PSMF1: variants seen among roughly 807,000 people sequenced by gnomAD.
PSMF1 encodes proteasome inhibitor subunit 1.
Under a neutral mutation model 29.3 loss-of-function variants are expected in PSMF1, and 30 were observed. The observed-to-expected ratio is 1.02, with a 90% CI of 0.77 to 1.39. The LOEUF (loss-of-function observed/expected upper bound fraction) is 1.39. Among genes scored for constraint, PSMF1 ranks in the 40% most tolerant of loss-of-function variants. The pLI is 0.00. For missense variants in PSMF1, 344 were observed against 357.5 expected (o/e 0.96, Z 0.31); for synonymous variants, 134 against 139.7 (o/e 0.96, Z 0.29).
intron 3 of PSMF1, among the ~76,000 whole-genome samples, chr20:1,133,777 T>A (rs903297333): frequency 1.3e-5 from 2 of 151,478 alleles, no homozygotes; most frequent in Non-Finnish European, 2.9e-5. Flanking sequence ...TTTTATTTTA[T>A]TTTTTTAGAA....
chr20:1,117,328 CTT>C (rs1258526956), upstream of PSMF1, among the ~76,000 whole-genome samples: 1 of 150,400 alleles, frequency 6.6e-6, no homozygotes, highest in Non-Finnish European at 1.5e-5. Flanking sequence ...TGTGATCTGA[CTT>C]TTCTTTTTTT....
At chr20:1,137,772 A>G (rs886102215) in intron 4 of PSMF1, among the ~76,000 whole-genome samples, 2 of 152,212 alleles carry the variant, frequency 1.3e-5, no homozygotes, top group Non-Finnish European at 2.9e-5. Context: ...GGTATTAGAT[A>G]GCATTATGAA....
At chr20:1,140,623 A>G (rs184028183) in intron 4 of PSMF1, among the ~76,000 whole-genome samples, 42 of 152,322 alleles carry the variant, frequency 2.8e-4, no homozygotes, top group African/African-American at 9.9e-4. Flanking sequence ...TCAAAATTAA[A>G]ATATTTTGTG....
At chr20:1,146,054 G>C (rs188221587) in intron 4 of PSMF1, among the ~76,000 whole-genome samples, 1 of 152,184 alleles carries the variant, frequency 6.6e-6, no homozygotes, top group East Asian at 1.9e-4. Flanking sequence ...TTCTCTGTGG[G>C]TTCAGGGATC....
upstream of PSMF1, among the ~76,000 whole-genome samples, chr20:1,115,622 A>C (rs529913691): frequency 6.6e-6 from 1 of 152,330 alleles, no homozygotes; most frequent in Admixed American, 6.5e-5. Flanking sequence ...GAGACGAGGG[A>C]AACCTCACTC....
rs1433347381 is a variant in PSMF1, at chr20:1,168,711, C to T, written c.*3631C>T. Reference sequence around the variant, plus strand: ...TTTGGAACCTAGTTTCTCCTATGGCCTCCCTTTCTACTGTTGTTAATAACA... The same window carrying T: ...TTTGGAACCTAGTTTCTCCTATGGCTTCCCTTTCTACTGTTGTTAATAACA... On this transcript the variant is annotated 3_prime_UTR_variant, in exon 7 of 7. Coordinates refer to ENST00000335877, the MANE Select transcript of PSMF1 (RefSeq NM_006814.5). Among the ~76,000 whole-genome samples, 1 of 152,136 alleles carries T rather than the reference C, an allele frequency of 6.6e-6. No homozygotes were observed. Among genetic ancestry groups the T allele is most frequent in the Non-Finnish European group, 1.5e-5 (1 of 68,032 alleles).
Position 1,165,102 on chromosome 20 carries a change from C to G in PSMF1, c.*22C>G. The G allele has an allele frequency of 6.2e-7, 1 of 1,614,152 alleles. No homozygotes were observed. The highest frequency in any genetic ancestry group is 1.6e-4 in the Middle Eastern group (1 of 6,062). Reference sequence around the variant, plus strand: ...GTGAAGGCCTCAAGAATGTAACATCCCAGGCTTCCCTCCATTCTCCTGGAG... The same window carrying G: ...GTGAAGGCCTCAAGAATGTAACATCGCAGGCTTCCCTCCATTCTCCTGGAG... On this transcript the variant is annotated 3_prime_UTR_variant, in exon 7 of 7. Transcript: ENST00000335877.
chr20:1,153,359 C>A (rs1296542749), intron 4 of PSMF1, among the ~76,000 whole-genome samples: 1 of 151,970 alleles, frequency 6.6e-6, no homozygotes, highest in African/African-American at 2.4e-5. Flanking sequence ...AGGTCCGTAT[C>A]CCTCTCCCTC....
chr20:1,118,481 G>A (rs2086034612), upstream of PSMF1: 1 of 283,186 alleles, frequency 3.5e-6, no homozygotes, highest in Non-Finnish European at 6.6e-6. Context: ...GCCAAGACCC[G>A]GCTTCCGGCT....
At position 1,155,024 on chromosome 20, in the gene PSMF1, G is replaced by A. The variant is rs142325375; in HGVS notation, c.552-8106G>A. 5.9e-3 allele frequency among the ~76,000 whole-genome samples: 895 copies of A among 152,320 alleles called. 6 individuals are homozygous for A. Among genetic ancestry groups the A allele is most frequent in the African/African-American group, 0.021 (855 of 41,576 alleles). The stretch of plus-strand genomic sequence containing the variant: ...TCAGTGCAGCCTTACAGAATGCATA[G>A]AGTAAAGCTATTTGAGAATATGAAA... On this transcript the variant is annotated intron_variant, in intron 4 of 6. Transcript: ENST00000335877.
rs60728448 is a variant in PSMF1 at position 1,133,555 on chromosome 20, G to GTGTATATATATATATATATATATATA, written c.366-1565_366-1564insGTATATATATATATATATATATATAT. On this transcript the variant is annotated intron_variant, in intron 3 of 6. Coordinates refer to ENST00000335877, the MANE Select transcript of PSMF1 (RefSeq NM_006814.5). ...ATAGGATATACTAGTCTATATATGT[G>GTGTATATATATATATATATATATATA]TATATATATATATATTTTTTTTTTT... Among the ~76,000 whole-genome samples the GTGTATATATATATATATATATATATA allele has an allele frequency of 5.6e-5, 3 of 53,970 alleles. 1 individual carries two copies. Among genetic ancestry groups the GTGTATATATATATATATATATATATA allele is most frequent in the African/African-American group, 1.9e-4 (3 of 15,710 alleles). 35.4% of individuals were successfully genotyped at this position (53,970 alleles called of 152,430 possible). A position where few individuals can be genotyped will look rare whatever the true frequency, so the allele number is the denominator to read the frequency against.
intron 1 of PSMF1, among the ~76,000 whole-genome samples, chr20:1,123,223 ATT>A (rs2086112271): frequency 6.6e-6 from 1 of 152,114 alleles, no homozygotes; most frequent in African/African-American, 2.4e-5. Flanking sequence ...TCCCCAGAGG[ATT>A]TCTGAGCACC....
Position 1,166,110 on chromosome 20 carries a change from A to G in PSMF1, c.*1030A>G. The G allele has an allele frequency of 1.9e-6, 3 of 1,549,890 alleles. No homozygotes were observed. The highest frequency in any genetic ancestry group is 2.6e-6 in the Non-Finnish European group (3 of 1,145,930). On this transcript the variant is annotated 3_prime_UTR_variant, in exon 7 of 7. Transcript: ENST00000335877. ...TTTTTGGACCCCATGGGGCCCAGACAGAGCACAGGAGCATGGGCTGCCTCT... is the reference window on the plus strand; with the variant it reads ...TTTTTGGACCCCATGGGGCCCAGACGGAGCACAGGAGCATGGGCTGCCTCT...
chr20:1,117,664 A>G (rs2086025098), upstream of PSMF1, among the ~76,000 whole-genome samples: 3 of 152,232 alleles, frequency 2.0e-5, no homozygotes, highest in Admixed American at 6.5e-5. Flanking sequence ...GTTTTCTAAC[A>G]GAATCTCTCT....
chr20:1,132,321 G>A (rs1421881499), intron 3 of PSMF1, among the ~76,000 whole-genome samples: 1 of 151,048 alleles, frequency 6.6e-6, no homozygotes, highest in East Asian at 1.9e-4. Context: ...AAAGGCTCAG[G>A]CTGGAGTGCA....
At chr20:1,159,386 C>T (rs2086638028) in intron 4 of PSMF1, among the ~76,000 whole-genome samples, 1 of 152,026 alleles carries the variant, frequency 6.6e-6, no homozygotes, top group African/African-American at 2.4e-5. Flanking sequence ...GTCTCGAACT[C>T]CTGGCCTCAA....
At chr20:1,128,841 A>G (rs1342609916) in intron 3 of PSMF1, among the ~76,000 whole-genome samples, 1 of 152,074 alleles carries the variant, frequency 6.6e-6, no homozygotes, top group African/African-American at 2.4e-5. Flanking sequence ...CTGGGATTAC[A>G]GGTGTGCACC....
At chr20:1,136,156 G>A (rs6514115) in intron 4 of PSMF1, among the ~76,000 whole-genome samples, 17,299 of 152,168 alleles carry the variant, frequency 0.11, 1,073 homozygotes, top group African/African-American at 0.15. Context: ...CAAAAATATT[G>A]AGTCCTGTGA....
Position 1,166,388 on chromosome 20 carries a change from G to C in PSMF1, c.*1308G>C. 1 of 1,008,694 alleles carries C rather than the reference G, an allele frequency of 9.9e-7. No individual in the cohort carries two copies. The highest frequency in any genetic ancestry group is 1.5e-6 in the Non-Finnish European group (1 of 658,874). 62.5% of individuals were successfully genotyped at this position (1,008,694 alleles called of 1,614,324 possible). A position where few individuals can be genotyped will look rare whatever the true frequency, so the allele number is the denominator to read the frequency against. ...GATCCTTTCATTTCTCAGCTCCCTG[G>C]ATTCCTTCCCCTAAATTAGGACCTA... On this transcript the variant is annotated 3_prime_UTR_variant, in exon 7 of 7. Transcript: ENST00000335877.
Sources: allele counts gnomAD v4.1 joint callset (sites outside exome capture counted in the v4.1 genomes callset), GRCh38; gene constraint gnomAD v4.1.1; transcripts MANE v1.5; gene names NCBI Gene and HGNC (gene_info 2026-07-23, HGNC 2026-07-21).